The following NTNG1 variants were observed in gnomAD, a reference collection of about 807,000 sequenced individuals.
The protein encoded by NTNG1 is netrin-G1.
Under a neutral mutation model 54.0 loss-of-function variants are expected in NTNG1, and 16 were observed. That is an observed-to-expected ratio of 0.30 (90% CI 0.20 to 0.45). NTNG1 has a LOEUF of 0.45. Among genes scored for constraint, NTNG1 ranks in the 20% least tolerant of loss-of-function variants. The pLI, the probability that NTNG1 is intolerant of heterozygous loss-of-function variation, is 1.00. For missense variants in NTNG1, 530 were observed against 678.7 expected, an observed-to-expected ratio of 0.78 and a Z score of 2.43; for synonymous variants, 255 against 263.1, an observed-to-expected ratio of 0.97 and a Z score of 0.30.
chr1:107,227,666 GCTCTCT>G (rs10642554), intron 2 of NTNG1, among the ~76,000 whole-genome samples: 5 of 144,474 alleles, frequency 3.5e-5, no homozygotes, highest in South Asian at 2.2e-4. Context: ...TGTCTCTCTC[GCTCTCT>G]CTCTCTCTCT....
chr1:107,438,365 A>G (rs1675742516), intron 7 of NTNG1, among the ~76,000 whole-genome samples: 1 of 152,194 alleles, frequency 6.6e-6, no homozygotes, highest in South Asian at 2.1e-4. Context: ...AGATAAAGCC[A>G]TGGTTTAAAA....
At chr1:107,447,081 T>C (rs1243722975) in intron 7 of NTNG1, among the ~76,000 whole-genome samples, 5 of 128,830 alleles carry the variant, frequency 3.9e-5, no homozygotes, top group Non-Finnish European at 9.3e-5. Context: ...ATTACAGATA[T>C]TTTTTTCTAA....
chr1:107,223,718 A>G (rs971091991), intron 2 of NTNG1, among the ~76,000 whole-genome samples: 1 of 152,192 alleles, frequency 6.6e-6, no homozygotes, highest in Non-Finnish European at 1.5e-5. Context: ...AGCTGAAAGA[A>G]AAAAGGTATC....
intron 7 of NTNG1, among the ~76,000 whole-genome samples, chr1:107,457,869 A>G (rs1677049233): frequency 6.6e-6 from 1 of 152,076 alleles, no homozygotes; most frequent in South Asian, 2.1e-4. Flanking sequence ...TTGTGTTATG[A>G]GTACTGTAAG....
chr1:107,406,051 G>A (rs1053090856), intron 4 of NTNG1, among the ~76,000 whole-genome samples: 4 of 152,080 alleles, frequency 2.6e-5, no homozygotes, highest in Non-Finnish European at 5.9e-5. Flanking sequence ...CAGTAATTAA[G>A]CTGAAGCACT....
At chr1:107,254,387 T>C (rs72699327) in intron 2 of NTNG1, among the ~76,000 whole-genome samples, 12,411 of 152,328 alleles carry the variant, frequency 0.081, 593 homozygotes, top group Middle Eastern at 0.11. Flanking sequence ...GGTGACTTTA[T>C]GCTCATTTTA....
intron 6 of NTNG1, among the ~76,000 whole-genome samples, chr1:107,432,033 G>T (rs1391462054): frequency 1.3e-5 from 2 of 152,170 alleles, no homozygotes; most frequent in African/African-American, 4.8e-5. Context: ...ATATAATACT[G>T]TTGGTGTCTA....
intron 2 of NTNG1, among the ~76,000 whole-genome samples, chr1:107,288,514 A>T (rs1304905468): frequency 1.3e-5 from 2 of 152,198 alleles, no homozygotes; most frequent in African/African-American, 4.8e-5. Context: ...AAATTGCAAC[A>T]TTTATGATGG....
intron 2 of NTNG1, among the ~76,000 whole-genome samples, chr1:107,276,028 A>T (rs1237184235): frequency 6.6e-6 from 1 of 152,168 alleles, no homozygotes; most frequent in Non-Finnish European, 1.5e-5. Context: ...TAGCCTCCTG[A>T]ATATGTTCTG....
chr1:107,365,050 T>A (rs1670513954), intron 3 of NTNG1, among the ~76,000 whole-genome samples: 1 of 152,240 alleles, frequency 6.6e-6, no homozygotes, highest in South Asian at 2.1e-4. Flanking sequence ...AATACCTTGT[T>A]AAAATTAATT....
At chr1:107,460,868 T>C (rs1677241535) in intron 7 of NTNG1, among the ~76,000 whole-genome samples, 1 of 152,206 alleles carries the variant, frequency 6.6e-6, no homozygotes, top group Admixed American at 6.5e-5. Flanking sequence ...CCCCGTGTAC[T>C]GGGCTGCTAA....
Position 107,455,127 on chromosome 1 carries a change from G to A in NTNG1, c.1390+18328G>A, listed in dbSNP as rs563170814. On this transcript the variant is annotated intron_variant, in intron 7 of 7. Coordinates refer to ENST00000370068, the MANE Select transcript of NTNG1 (RefSeq NM_001113226.3). ...CGCCCAGGCTGGAGTGCAATGGGGC[G>A]ATCTCAGCTCATTACAACCTCCACC... 5.9e-5 allele frequency among the ~76,000 whole-genome samples: 9 copies of A among 151,624 alleles called. No homozygotes were observed. The South Asian group carries it at 1.3e-3, about 21-fold the overall frequency.
At chr1:107,455,064 T>A (rs1288400245) in intron 7 of NTNG1, among the ~76,000 whole-genome samples, 1 of 136,946 alleles carries the variant, frequency 7.3e-6, no homozygotes, top group Non-Finnish European at 1.5e-5. Context: ...TGGTGACTAT[T>A]TTTTTTTTTT....
intron 2 of NTNG1, among the ~76,000 whole-genome samples, chr1:107,297,077 AC>A (rs1301428762): frequency 7.3e-6 from 1 of 137,896 alleles, no homozygotes; most frequent in East Asian, 2.1e-4. Flanking sequence ...GGTTATCTTT[AC>A]AGATGAGGAC....
intron 7 of NTNG1, among the ~76,000 whole-genome samples, chr1:107,437,055 C>A (rs1482384968): frequency 6.6e-6 from 1 of 152,062 alleles, no homozygotes. Context: ...TCCATATACC[C>A]GTCCAGACCA....
Position 107,484,914 on chromosome 1 carries a change from G to C in NTNG1, c.*4074G>C, listed in dbSNP as rs573873013. Reference sequence around the variant, plus strand: ...TGTTTAACAGATTCTCTGCTCACAGGATTGACCAAGATATGTGGGAACTGC... The same window carrying C: ...TGTTTAACAGATTCTCTGCTCACAGCATTGACCAAGATATGTGGGAACTGC... On this transcript the variant is annotated 3_prime_UTR_variant, in exon 8 of 8. Coordinates refer to ENST00000370068, the MANE Select transcript of NTNG1 (RefSeq NM_001113226.3). Among the ~76,000 whole-genome samples, 1 of 152,204 alleles carries C rather than the reference G, an allele frequency of 6.6e-6. No homozygotes were observed. The highest frequency in any genetic ancestry group is 2.4e-5 in the African/African-American group (1 of 41,450).
intron 6 of NTNG1, among the ~76,000 whole-genome samples, chr1:107,433,189 C>T (rs1248284656): frequency 6.6e-6 from 1 of 152,122 alleles, no homozygotes; most frequent in Non-Finnish European, 1.5e-5. Flanking sequence ...GTATTTTGTA[C>T]TTGAAACCAA....
intron 2 of NTNG1, among the ~76,000 whole-genome samples, chr1:107,223,267 T>A (rs1660469216): frequency 1.3e-5 from 2 of 152,042 alleles, no homozygotes. Flanking sequence ...TGTGTCTGTG[T>A]GTGCGCATGT....
At chr1:107,417,579 AT>A (rs1674304261) in intron 5 of NTNG1, among the ~76,000 whole-genome samples, 2 of 152,100 alleles carry the variant, frequency 1.3e-5, no homozygotes, top group Admixed American at 1.3e-4. Context: ...AACTGGCAAT[AT>A]TAAAACTCAT....
Sources: gnomAD v4.1 joint callset for allele counts (sites outside exome capture counted in the v4.1 genomes callset) on GRCh38, gnomAD v4.1.1 for gene constraint, MANE v1.5 for transcripts, NCBI Gene and HGNC (gene_info 2026-07-23, HGNC 2026-07-21) for gene names.